The following SEMA4D variants were observed in gnomAD, a reference collection of about 807,000 sequenced individuals.
SEMA4D encodes the protein semaphorin-4D.
In SEMA4D, 22 loss-of-function variants were observed where a neutral mutation model predicts 74.8. The observed-to-expected ratio is 0.29, with a 90% CI of 0.21 to 0.42. SEMA4D has a LOEUF of 0.42. Ranked by LOEUF, SEMA4D falls within the 10% of genes least tolerant of loss-of-function variation. The probability of loss-of-function intolerance (pLI) is 1.00; values close to 1 mark genes in which losing one functional copy is unlikely to be tolerated. For synonymous variants in SEMA4D, 445 were observed against 463.7 expected, an observed-to-expected ratio of 0.96 and a Z score of 0.52; for missense variants, 937 against 1,118.4, an observed-to-expected ratio of 0.84 and a Z score of 2.31.
intron 5 of SEMA4D, among the ~76,000 whole-genome samples, chr9:89,397,505 C>A (rs971436304): frequency 6.6e-6 from 1 of 152,314 alleles, no homozygotes; most frequent in Admixed American, 6.5e-5. Context: ...AAGGCCCAAG[C>A]AGGAAAACAA....
chr9:89,464,859 C>T (rs1186925883), intron 1 of SEMA4D, among the ~76,000 whole-genome samples: 6 of 152,180 alleles, frequency 3.9e-5, no homozygotes, highest in African/African-American at 1.2e-4. Context: ...ACCCCCAGGG[C>T]GAGGGTCCTG....
Position 89,391,273 on chromosome 9 carries a change from T to A in SEMA4D, c.765A>T (p.Arg255Ser). The A allele has an allele frequency of 6.2e-7, 1 of 1,614,184 alleles. No homozygotes were observed. Among genetic ancestry groups the A allele is most frequent in the Non-Finnish European group, 8.5e-7 (1 of 1,180,004 alleles). Residue 255 changes from arginine (R) to serine (S), a missense_variant, in exon 9 of 16, where the codon AGA (arginine) becomes AGT (serine). Transcript: ENST00000422704. ...VFRVLIPRIA[R>S]VCKGDQGGLR... Reference sequence around the variant, plus strand: ...AGTGCCTGGCACTCACCTTGCACACTCTTGCTATCCGTGGGATCAGCACCC... The same window carrying A: ...AGTGCCTGGCACTCACCTTGCACACACTTGCTATCCGTGGGATCAGCACCC...
downstream of SEMA4D, among the ~76,000 whole-genome samples, chr9:89,374,181 G>A (rs1008825747): frequency 1.6e-4 from 25 of 152,210 alleles, no homozygotes; most frequent in African/African-American, 5.8e-4. Flanking sequence ...CGGAGGGCTG[G>A]GGGCCTCAGT....
At chr9:89,383,795 C>A (rs1374212765) in intron 13 of SEMA4D, among the ~76,000 whole-genome samples, 1 of 152,198 alleles carries the variant, frequency 6.6e-6, no homozygotes, top group Non-Finnish European at 1.5e-5. Context: ...AGAAAAAAAG[C>A]CTGACCAGGC....
chr9:89,449,892 G>T, intron 2 of SEMA4D: 1 of 1,469,282 alleles, frequency 6.8e-7, no homozygotes, highest in East Asian at 2.3e-5. Flanking sequence ...TGACCTTGGG[G>T]TCCATGTGAA....
chr9:89,407,065 T>TCA (rs1473041708), intron 2 of SEMA4D, among the ~76,000 whole-genome samples: 1 of 148,742 alleles, frequency 6.7e-6, no homozygotes, highest in Non-Finnish European at 1.5e-5. Context: ...TGAGCAATGC[T>TCA]CACCTCTCAT....
intron 1 of SEMA4D, among the ~76,000 whole-genome samples, chr9:89,480,790 CCT>C (rs1824573474): frequency 6.6e-6 from 1 of 152,252 alleles, no homozygotes; most frequent in Non-Finnish European, 1.5e-5. Context: ...TGTTCCCGCT[CCT>C]GCCTCTCCCT....
chr9:89,405,391 C>T lies in SEMA4D; in HGVS notation c.66G>A (p.Met22Ile). 2.5e-6 allele frequency: 4 copies of T among 1,614,134 alleles called. No homozygotes were observed. The highest frequency in any genetic ancestry group is 3.4e-6 in the Non-Finnish European group (4 of 1,179,996). ...TGATCCGGGGTATGGGTGCAAATGC[C>T]ATCGCTGTCCCAAACATCACTGCAA... is the stretch of plus-strand genomic sequence containing the variant. ...MALAVMFGTA[M>I]AFAPIPRITW... The change falls in exon 3 of 16, where the codon ATG becomes ATA. Residue 22 changes from methionine (M) to isoleucine (I), a missense_variant. Met to Ile is a conservative substitution (Grantham distance 10, BLOSUM62 1). Transcript: ENST00000422704.
Position 89,388,740 on chromosome 9 carries a change from C to T in SEMA4D, c.1003G>A (p.Glu335Lys). The T allele has an allele frequency of 6.2e-7, 1 of 1,611,288 alleles. No individual in the cohort carries two copies. Among genetic ancestry groups the T allele is most frequent in the Non-Finnish European group, 8.5e-7 (1 of 1,179,266 alleles). The change falls in exon 11 of 16, where the codon GAG becomes AAG. Residue 335 changes from glutamate (E) to lysine (K), a missense_variant. Glu to Lys is a moderately conservative substitution (Grantham distance 56). Transcript: ENST00000422704. Reference protein sequence around the residue: ...VCAYNLSTAEEVFSHGKYMQS... With the variant: ...VCAYNLSTAEKVFSHGKYMQS... ...ATGTACTTCCCGTGGGAGAAGACCT[C>T]CTCGGCTGTGGACAGGTTGTAGGCG...
chr9:89,495,205 G>C (rs1381548207), intron 1 of SEMA4D, among the ~76,000 whole-genome samples: 2 of 152,194 alleles, frequency 1.3e-5, no homozygotes, highest in African/African-American at 4.8e-5. Context: ...GAAGCAGCAA[G>C]GCAGTAGAAA....
intron 2 of SEMA4D, among the ~76,000 whole-genome samples, chr9:89,433,406 A>T (rs372076547): frequency 1.3e-5 from 2 of 152,156 alleles, no homozygotes; most frequent in Middle Eastern, 3.2e-3. Flanking sequence ...AGGGGTCTCC[A>T]ATCGGCAGGG....
At position 89,497,977 on chromosome 9, in the gene SEMA4D, T is replaced by TGGC. The variant is rs550742614; in HGVS notation, c.-371_-369dup. 15 of 145,550 alleles carry TGGC rather than the reference T, an allele frequency of 1.0e-4. No homozygotes were observed. In the East Asian group the frequency reaches 1.7e-3, roughly 16 times the overall value. The allele number at this position is 145,550 out of a possible 1,614,324, so 9.0% of individuals were successfully genotyped here. A position where few individuals can be genotyped will look rare whatever the true frequency, so the allele number is the denominator to read the frequency against. On this transcript the variant is annotated 5_prime_UTR_variant, in exon 1 of 16. Coordinates refer to ENST00000422704, the MANE Select transcript of SEMA4D (RefSeq NM_001371194.2). ...GCCGGGCGAGTTCGGGCGCCAGGAA[T>TGGC]GGCGGCGGCGGCGGCGGCGGCAGCG...
intron 16 of SEMA4D, chr9:89,365,139 G>A (rs527588711): frequency 6.6e-6 from 1 of 152,508 alleles, no homozygotes; most frequent in African/African-American, 2.4e-5. Flanking sequence ...CTCAAATGCA[G>A]AAAGGGCTGA....
At chr9:89,375,739 G>A (rs574455655), downstream of SEMA4D, among the ~76,000 whole-genome samples, 143 of 152,344 alleles carry the variant, frequency 9.4e-4, 1 homozygote, top group Non-Finnish European at 1.1e-3. Flanking sequence ...ATACATCTTT[G>A]AAGTGTGGTT....
At position 89,450,431 on chromosome 9, in the gene SEMA4D, G is replaced by A. The variant is rs141006964; in HGVS notation, c.-244+5457C>T. On this transcript the variant is annotated intron_variant, in intron 2 of 15. Coordinates refer to ENST00000422704, the MANE Select transcript of SEMA4D (RefSeq NM_001371194.2). ...GTGAAGATGAGAAGAAGGCTTGGAT[G>A]GGTGTGGTGGAGTGCGCCAAACATG... is the stretch of plus-strand genomic sequence containing the variant. 154 of 1,375,408 alleles carry A rather than the reference G, an allele frequency of 1.1e-4. No homozygotes were observed. The African/African-American group carries it at 1.9e-3, about 17-fold the overall frequency. 85.2% of individuals were successfully genotyped at this position (1,375,408 alleles called of 1,614,324 possible).
intron 1 of SEMA4D, among the ~76,000 whole-genome samples, chr9:89,464,844 A>G (rs908701544): frequency 6.6e-6 from 1 of 151,836 alleles, no homozygotes; most frequent in Non-Finnish European, 1.5e-5. Context: ...GAGGGTGCGG[A>G]GAGCACCCCC....
chr9:89,448,548 C>T (rs973374735), intron 2 of SEMA4D, among the ~76,000 whole-genome samples: 7 of 152,218 alleles, frequency 4.6e-5, no homozygotes, highest in Non-Finnish European at 1.0e-4. Flanking sequence ...AACAGGCTGC[C>T]GTGGGGGCCA....
chr9:89,450,219 C>A, intron 2 of SEMA4D: 2 of 1,240,872 alleles, frequency 1.6e-6, no homozygotes, highest in African/African-American at 1.5e-5. Flanking sequence ...ATTTGAGGTA[C>A]ATGAAGTATA....
rs1847469289 is a variant in SEMA4D, at chr9:89,423,729, G to A, written c.-243-18030C>T. On this transcript the variant is annotated intron_variant, in intron 2 of 15. Coordinates refer to ENST00000422704, the MANE Select transcript of SEMA4D (RefSeq NM_001371194.2). ...CTCCCCTCCCTCTGCTACTCCCTCA[G>A]TACTTCACCTCCCCCGGCTATTACC... Among the ~76,000 whole-genome samples, 3 of 148,204 alleles carry A rather than the reference G, an allele frequency of 2.0e-5. No individual in the cohort carries two copies. The South Asian group carries it at 6.4e-4, about 31-fold the overall frequency.
Sources: allele counts gnomAD v4.1 joint callset (sites outside exome capture counted in the v4.1 genomes callset), GRCh38; gene constraint gnomAD v4.1.1; transcripts MANE v1.5; gene names NCBI Gene and HGNC (gene_info 2026-07-23, HGNC 2026-07-21).